Variants in RNF144A observed in about 807,000 individuals in gnomAD.
RNF144A encodes ring finger protein 144A.
In RNF144A, 11 loss-of-function variants were observed where a neutral mutation model predicts 38.7. The ratio of observed to expected loss-of-function variants is 0.28; its 90% CI spans 0.18 to 0.47. The LOEUF (loss-of-function observed/expected upper bound fraction) is 0.47, where lower values mean the gene tolerates loss of function less well. RNF144A is among the 20% of genes least tolerant of loss of function. RNF144A has a pLI of 0.99. For synonymous variants in RNF144A, 149 were observed against 143.9 expected (o/e 1.04, Z -0.25); for missense variants, 316 against 377.2 (o/e 0.84, Z 1.34).
chr2:6,995,024 C>A (rs1669628716), intron 2 of RNF144A, among the ~76,000 whole-genome samples: 1 of 152,158 alleles, frequency 6.6e-6, no homozygotes, highest in Non-Finnish European at 1.5e-5. Context: ...CAGGTGCTTC[C>A]TTCTGGGCCA....
In RNF144A at chr2:7,009,608, A is replaced by C. The variant is rs146547547; in HGVS notation, c.136-4846A>C. Among the ~76,000 whole-genome samples the C allele has an allele frequency of 2.1e-3, 321 of 152,188 alleles. 1 individual carries two copies. Among genetic ancestry groups the C allele is most frequent in the Middle Eastern group, 0.014 (4 of 294 alleles). ...CTTGTGAGTGAAGTCACAGTCCTAC[A>C]TCCTTGAGGAAAGTGATCCTTGCCA... On this transcript the variant is annotated intron_variant, in intron 3 of 8. Coordinates refer to ENST00000320892, the MANE Select transcript of RNF144A (RefSeq NM_014746.6).
At chr2:7,024,281 G>A (rs946970180) in intron 6 of RNF144A, 88 bp from the exon 7 acceptor site, 1 of 1,183,352 alleles carries the variant, frequency 8.5e-7, no homozygotes, top group Admixed American at 2.6e-5. Flanking sequence ...AGTCTGTGAA[G>A]TGGAGCCGAT....
chr2:7,044,556 A>T (rs975400200), downstream of RNF144A, among the ~76,000 whole-genome samples: 17 of 152,192 alleles, frequency 1.1e-4, no homozygotes, highest in African/African-American at 3.9e-4. Flanking sequence ...CAAGTTCCTT[A>T]CAGACCTGTC....
rs1376204060 is a variant in RNF144A, at chr2:6,941,735, T to C, written c.-12+588T>C. ...GTTTTAAGTGGAGTGGTCAGGGAGGTCTCTAAAGGTGAAATTGAACATGCA... is the reference window on the plus strand; with the variant it reads ...GTTTTAAGTGGAGTGGTCAGGGAGGCCTCTAAAGGTGAAATTGAACATGCA... On this transcript the variant is annotated intron_variant, in intron 2 of 8. Coordinates refer to ENST00000320892, the MANE Select transcript of RNF144A (RefSeq NM_014746.6). The surrounding 1 kb of genome is among the most constrained non-coding windows in gnomAD (Gnocchi z 6.5). Among the ~76,000 whole-genome samples, 1 of 152,110 alleles carries C rather than the reference T, an allele frequency of 6.6e-6. No individual in the cohort carries two copies. The highest frequency in any genetic ancestry group is 1.5e-5 in the Non-Finnish European group (1 of 68,022).
rs59123556 is a variant in RNF144A at position 7,017,313 on chromosome 2, T to TG, written c.301+2542dup. 4.6e-3 allele frequency among the ~76,000 whole-genome samples: 485 copies of TG among 104,326 alleles called. 2 individuals carry two copies. The highest frequency in any genetic ancestry group is 0.016 in the African/African-American group (460 of 28,058). 68.4% of individuals were successfully genotyped at this position (104,326 alleles called of 152,430 possible). ...GTCAACCGTGTATTGTTTTTTTTTT[T>TG]GTTCTTTGTTTTTTTTTTTTAAAGT... On this transcript the variant is annotated intron_variant, in intron 5 of 8. Coordinates refer to ENST00000320892, the MANE Select transcript of RNF144A (RefSeq NM_014746.6).
At chr2:6,982,709 G>A (rs1033639581) in intron 2 of RNF144A, among the ~76,000 whole-genome samples, 4 of 152,198 alleles carry the variant, frequency 2.6e-5, no homozygotes, top group Non-Finnish European at 4.4e-5. Context: ...AGACGATTGA[G>A]AAAGTGGCAA....
rs1478477880 is a variant in RNF144A at position 6,941,287 on chromosome 2, A to G, written c.-12+140A>G. The G allele has an allele frequency of 1.3e-5, 2 of 152,180 alleles. No homozygotes were observed. Among genetic ancestry groups the G allele is most frequent in the Non-Finnish European group, 2.9e-5 (2 of 68,036 alleles). The allele number at this position is 152,180 out of a possible 1,614,324, so 9.4% of individuals were successfully genotyped here. A position where few individuals can be genotyped will look rare whatever the true frequency, so the allele number is the denominator to read the frequency against. On this transcript the variant is annotated intron_variant, in intron 2 of 8. Transcript: ENST00000320892. The surrounding 1 kb of genome is among the most constrained non-coding windows in gnomAD (Gnocchi z 6.5). ...CCTGTTAAGCCATACCATAAAGGCA[A>G]TTTTCTAGTAGGTTTCCCCGGAATG...
intron 6 of RNF144A, among the ~76,000 whole-genome samples, chr2:7,061,371 C>T (rs966156428): frequency 6.6e-6 from 1 of 152,108 alleles, no homozygotes; most frequent in African/African-American, 2.4e-5. Flanking sequence ...TATGAATGTT[C>T]CATAGTAGAT....
chr2:7,041,664 C>T lies in RNF144A; in HGVS notation c.*1904C>T. The T allele has an allele frequency of 3.0e-6, 3 of 985,508 alleles. No individual in the cohort carries two copies. Among genetic ancestry groups the T allele is most frequent in the Non-Finnish European group, 3.6e-6 (3 of 829,968 alleles). 61.0% of individuals were successfully genotyped at this position (985,508 alleles called of 1,614,324 possible). On this transcript the variant is annotated 3_prime_UTR_variant, in exon 9 of 9. Transcript: ENST00000320892. The stretch of plus-strand genomic sequence containing the variant: ...CCTGTGATATGTGGATGCAGCTGTC[C>T]AGCCACTGCCCTTTAACATGCCCAG...
chr2:7,060,268 T>G (rs11681803), intron 6 of RNF144A, among the ~76,000 whole-genome samples: 163 of 152,286 alleles, frequency 1.1e-3, no homozygotes, highest in African/African-American at 3.0e-3. Context: ...GTTTTGTTTT[T>G]TTTTTTCTTC....
intron 8 of RNF144A, among the ~76,000 whole-genome samples, chr2:7,032,396 G>T (rs1359699309): frequency 6.6e-6 from 1 of 152,248 alleles, no homozygotes; most frequent in African/African-American, 2.4e-5. Context: ...TTGCAGCTCT[G>T]CTCTGGCTGC....
intron 3 of RNF144A, among the ~76,000 whole-genome samples, chr2:7,001,713 A>G (rs927758746): frequency 6.6e-6 from 1 of 152,172 alleles, no homozygotes; most frequent in Non-Finnish European, 1.5e-5. Flanking sequence ...CATTTAATAG[A>G]CAGAATCTTT....
chr2:7,000,835 CAT>C (rs1257464595), intron 3 of RNF144A, among the ~76,000 whole-genome samples: 23 of 150,392 alleles, frequency 1.5e-4, no homozygotes, highest in African/African-American at 5.4e-4. Context: ...TACATATACA[CAT>C]ATATTTTATA....
chr2:6,986,529 C>G lies in RNF144A; in HGVS notation c.-11-10387C>G, dbSNP rs1402847918. On this transcript the variant is annotated intron_variant, in intron 2 of 8. Transcript: ENST00000320892. ...TGACCTGAAGGAACTGAAGAAACTG[C>G]AGGTGACCAAATAGACGAGTCTCCC... 3.3e-5 allele frequency among the ~76,000 whole-genome samples: 5 copies of G among 152,300 alleles called. No individual in the cohort carries two copies. The South Asian group carries it at 1.0e-3, about 32-fold the overall frequency.
At position 7,063,076 on chromosome 2, in the gene RNF144A, AGT is replaced by A. The variant is rs374750078; in HGVS notation, c.735-5139_735-5138del. On this transcript the variant is annotated intron_variant, in intron 6 of 6. Transcript: ENST00000432850. ...ATTGCAGCTGGGGAGGAGGACACCT[AGT>A]CTGAATGCTAACACTGGATTAGAGG... Among the ~76,000 whole-genome samples, 482 of 152,340 alleles carry A rather than the reference AGT, an allele frequency of 3.2e-3. 8 individuals carry two copies. The highest frequency in any genetic ancestry group is 0.011 in the African/African-American group (457 of 41,582).
intron 2 of RNF144A, among the ~76,000 whole-genome samples, chr2:6,952,607 T>G (rs1666756501): frequency 6.7e-6 from 1 of 150,106 alleles, no homozygotes; most frequent in Non-Finnish European, 1.5e-5. Flanking sequence ...TATATATATG[T>G]TATATATAAA....
chr2:6,989,635 T>A (rs2103377267), intron 2 of RNF144A, among the ~76,000 whole-genome samples: 1 of 152,292 alleles, frequency 6.6e-6, no homozygotes, highest in Admixed American at 6.5e-5. Flanking sequence ...TCACCCTTTG[T>A]AAAGTTCTGT....
intron 2 of RNF144A, among the ~76,000 whole-genome samples, chr2:6,973,688 A>G (rs1668129547): frequency 6.6e-6 from 1 of 152,230 alleles, no homozygotes; most frequent in Non-Finnish European, 1.5e-5. Flanking sequence ...GAAGATTGGA[A>G]TGGTGATACG....
downstream of RNF144A, among the ~76,000 whole-genome samples, chr2:7,069,545 A>T (rs890996075): frequency 6.6e-6 from 1 of 152,002 alleles, no homozygotes; most frequent in South Asian, 2.1e-4. Context: ...CCTCTCATTC[A>T]TATTCCCATC....
Sources: gnomAD v4.1 joint callset for allele counts (sites outside exome capture counted in the v4.1 genomes callset) on GRCh38, gnomAD v4.1.1 for gene constraint, Gnocchi (gnomAD v3.1) non-coding constraint, MANE v1.5 for transcripts, NCBI Gene and HGNC (gene_info 2026-07-23, HGNC 2026-07-21) for gene names.